ZNF516: variants seen among roughly 807,000 people sequenced by gnomAD.
ZNF516 encodes zinc finger protein 516.
A neutral mutation model predicts 79.7 loss-of-function variants in ZNF516; 19 were observed. That is an observed-to-expected ratio of 0.24 (90% confidence interval 0.17 to 0.35). ZNF516 has a LOEUF of 0.35. Among genes scored for constraint, ZNF516 ranks in the 10% least tolerant of loss-of-function variants. The pLI is 1.00. For synonymous variants in ZNF516, 877 were observed against 739.5 expected, an observed-to-expected ratio of 1.19 and a Z score of -3.02; for missense variants, 1,678 against 1,679.5, an observed-to-expected ratio of 1.00 and a Z score of 0.02.
At chr18:76,366,143 C>T (rs2074608626) in intron 6 of ZNF516, among the ~76,000 whole-genome samples, 1 of 152,196 alleles carries the variant, frequency 6.6e-6, no homozygotes, top group Admixed American at 6.5e-5. Context: ...CAGGTGTGTG[C>T]TGATCAATTA....
intron 1 of ZNF516, chr18:76,491,547 G>GTGGGGC: frequency 6.7e-6 from 1 of 149,230 alleles, no homozygotes; most frequent in African/African-American, 2.4e-5. Flanking sequence ...TGACGGGGGC[G>GTGGGGC]GGGGGCGGGG....
At chr18:76,411,129 C>G (rs17059334) in intron 3 of ZNF516, among the ~76,000 whole-genome samples, 6,126 of 152,308 alleles carry the variant, frequency 0.04, 225 homozygotes, top group African/African-American at 0.094. Flanking sequence ...CTAACAGGTC[C>G]TCCTCCGGGA....
chr18:76,491,668 G>A (rs1915231484), intron 1 of ZNF516: 11 of 558,114 alleles, frequency 2.0e-5, no homozygotes, highest in South Asian at 1.6e-4. Context: ...AGCGGCCACC[G>A]CCCCCACCCC....
chr18:76,391,407 C>T (rs1298471385), intron 3 of ZNF516, among the ~76,000 whole-genome samples: 4 of 152,102 alleles, frequency 2.6e-5, no homozygotes, highest in Non-Finnish European at 4.4e-5. Context: ...TAAACCTAAC[C>T]GCTAACCATA....
At chr18:76,373,169 A>C (rs1473773147) in intron 4 of ZNF516, among the ~76,000 whole-genome samples, 3 of 151,948 alleles carry the variant, frequency 2.0e-5, no homozygotes, top group African/African-American at 4.8e-5. Flanking sequence ...AAAGAAAAGA[A>C]AGAGGAAAAA....
intron 3 of ZNF516, among the ~76,000 whole-genome samples, chr18:76,432,721 T>C (rs1193546476): frequency 6.6e-6 from 1 of 152,246 alleles, no homozygotes; most frequent in Non-Finnish European, 1.5e-5. Flanking sequence ...AACCATCCAG[T>C]GGCCTGACCA....
intron 3 of ZNF516, among the ~76,000 whole-genome samples, chr18:76,401,205 T>C (rs1599185397): frequency 6.6e-6 from 1 of 151,380 alleles, no homozygotes; most frequent in African/African-American, 2.4e-5. Context: ...ACCTCCGGCA[T>C]AAATGGGTTA....
At chr18:76,422,760 G>A (rs756165876) in intron 3 of ZNF516, among the ~76,000 whole-genome samples, 3 of 152,042 alleles carry the variant, frequency 2.0e-5, no homozygotes, top group African/African-American at 7.3e-5. Context: ...ATATCTGGAG[G>A]ATAGGACAAG....
chr18:76,372,691 G>A (rs890654979), intron 4 of ZNF516: 1 of 152,194 alleles, frequency 6.6e-6, no homozygotes, highest in African/African-American at 2.4e-5. Context: ...CATGTTTATG[G>A]AAATAAGAAA....
At position 76,362,388 on chromosome 18, in the gene ZNF516, C is replaced by T; in HGVS notation, c.*110G>A. ...GTGAGGTGTCTGCTCAGGAGTTCCCCGGCTGTTCTTCCATGGAGCGGCCAG... is the reference window on the plus strand; with the variant it reads ...GTGAGGTGTCTGCTCAGGAGTTCCCTGGCTGTTCTTCCATGGAGCGGCCAG... On this transcript the variant is annotated 3_prime_UTR_variant, in exon 7 of 7. Coordinates refer to ENST00000443185, the MANE Select transcript of ZNF516 (RefSeq NM_014643.4). 6.5e-6 allele frequency: 7 copies of T among 1,078,616 alleles called. No individual in the cohort carries two copies. The highest frequency in any genetic ancestry group is 1.5e-5 in the South Asian group (1 of 67,230). 66.8% of individuals were successfully genotyped at this position (1,078,616 alleles called of 1,614,324 possible).
chr18:76,402,214 A>G (rs534135870), intron 3 of ZNF516, among the ~76,000 whole-genome samples: 1 of 152,250 alleles, frequency 6.6e-6, no homozygotes, highest in South Asian at 2.1e-4. Context: ...TGGCCACAAC[A>G]ATCCCTCTTG....
chr18:76,426,451 TAA>T (rs780110185), intron 3 of ZNF516, among the ~76,000 whole-genome samples: 94 of 152,342 alleles, frequency 6.2e-4, no homozygotes, highest in Non-Finnish European at 9.4e-4. Context: ...TCCAGTTATC[TAA>T]AATACAGATT....
At chr18:76,461,439 C>G (rs552976391) in intron 2 of ZNF516, among the ~76,000 whole-genome samples, 1 of 152,292 alleles carries the variant, frequency 6.6e-6, no homozygotes, top group South Asian at 2.1e-4. Context: ...GCCCAGGGGA[C>G]CAGCGTCTCC....
In ZNF516 at chr18:76,493,202, G is replaced by A. The variant is rs1420214462; in HGVS notation, c.-272+1942C>T. 1 of 980,268 alleles carries A rather than the reference G, an allele frequency of 1.0e-6. No homozygotes were observed. Among genetic ancestry groups the A allele is most frequent in the Non-Finnish European group, 1.2e-6 (1 of 825,394 alleles). The allele number at this position is 980,268 out of a possible 1,614,324, so 60.7% of individuals were successfully genotyped here. A position where few individuals can be genotyped will look rare whatever the true frequency, so the allele number is the denominator to read the frequency against. ...CGCAGAGTTTGCCTTCTTTAAGGAG[G>A]GAGGCGTCAGACGATATCCATTTAA... On this transcript the variant is annotated intron_variant, in intron 1 of 6. Transcript: ENST00000443185. The surrounding 1 kb of genome is among the most constrained non-coding windows in gnomAD (Gnocchi z 5.2).
intron 3 of ZNF516, among the ~76,000 whole-genome samples, chr18:76,406,680 C>T (rs774715063): frequency 2.6e-5 from 4 of 152,226 alleles, no homozygotes; most frequent in Non-Finnish European, 5.9e-5. Flanking sequence ...CCTGTCTGCA[C>T]GTTATCATGG....
At chr18:76,418,470 A>G (rs939740207) in intron 3 of ZNF516, among the ~76,000 whole-genome samples, 8 of 151,984 alleles carry the variant, frequency 5.3e-5, no homozygotes, top group Non-Finnish European at 1.0e-4. Flanking sequence ...GTAACACGCT[A>G]CAACATGCTG....
intron 1 of ZNF516, chr18:76,491,066 T>G (rs1283338544): frequency 1.0e-6 from 1 of 985,102 alleles, no homozygotes; most frequent in Non-Finnish European, 1.2e-6. Flanking sequence ...GGTTCAGGTG[T>G]GAACACTTAT....
At chr18:76,369,365 T>C (rs991667304) in intron 6 of ZNF516, among the ~76,000 whole-genome samples, 2 of 152,004 alleles carry the variant, frequency 1.3e-5, no homozygotes, top group African/African-American at 2.4e-5. Flanking sequence ...TTGTCAACAA[T>C]ACATGAAGCA....
At chr18:76,417,943 G>A (rs1280222920) in intron 3 of ZNF516, among the ~76,000 whole-genome samples, 1 of 152,228 alleles carries the variant, frequency 6.6e-6, no homozygotes, top group African/African-American at 2.4e-5. Flanking sequence ...AGAGGGTCAA[G>A]TATAGCAGTG....
Sources: allele counts gnomAD v4.1 joint callset (sites outside exome capture counted in the v4.1 genomes callset), GRCh38; gene constraint gnomAD v4.1.1; non-coding constraint Gnocchi (gnomAD v3.1); transcripts MANE v1.5; gene names NCBI Gene and HGNC (gene_info 2026-07-23, HGNC 2026-07-21).